The following ANO2 variants were observed in gnomAD, a reference collection of about 807,000 sequenced individuals.
ANO2 encodes the protein anoctamin 2, also known as anoctamin-2.
Under a neutral mutation model 124.2 loss-of-function variants are expected in ANO2, and 101 were observed. The observed-to-expected ratio is 0.81, with a 90% CI of 0.69 to 0.96. The LOEUF (loss-of-function observed/expected upper bound fraction) is 0.96, where lower values mean the gene tolerates loss of function less well. Among genes scored for constraint, ANO2 ranks in the 40% least tolerant of loss-of-function variants. The pLI is 0.00. For synonymous variants in ANO2, 486 were observed against 482.5 expected, an observed-to-expected ratio of 1.01 and a Z score of -0.09; for missense variants, 1,293 against 1,274.5, an observed-to-expected ratio of 1.01 and a Z score of -0.22.
chr12:5,779,274 A>G (rs1952317246), intron 10 of ANO2, among the ~76,000 whole-genome samples: 2 of 152,132 alleles, frequency 1.3e-5, no homozygotes, highest in South Asian at 4.1e-4. Context: ...CCATTTCTAC[A>G]CTTTTAAATC....
chr12:5,621,429 T>C (rs931900075), intron 16 of ANO2, among the ~76,000 whole-genome samples: 1 of 152,164 alleles, frequency 6.6e-6, no homozygotes, highest in East Asian at 1.9e-4. Flanking sequence ...GGTGTAACCA[T>C]ATGACAGGAG....
chr12:5,766,695 G>C (rs1041215525), intron 10 of ANO2, among the ~76,000 whole-genome samples: 1 of 152,140 alleles, frequency 6.6e-6, no homozygotes, highest in African/African-American at 2.4e-5. Flanking sequence ...GGTTTTAAAA[G>C]TTTTAAAAGA....
At position 5,906,607 on chromosome 12, in the gene ANO2, C is replaced by T. The variant is rs553696497; in HGVS notation, c.534+14433G>A. Among the ~76,000 whole-genome samples, 504 of 152,086 alleles carry T rather than the reference C, an allele frequency of 3.3e-3. 1 individual carries two copies. The highest frequency in any genetic ancestry group is 0.011 in the African/African-American group (456 of 41,514). On this transcript the variant is annotated intron_variant, in intron 3 of 24. Coordinates refer to ENST00000682330, the MANE Select transcript of ANO2 (RefSeq NM_001364791.2). ...GTCAAGAGATTGAGACCATCCTGGC[C>T]AACACAGTGAAACCCAGTCTCTACT...
chr12:5,850,390 T>C (rs1239465169), intron 4 of ANO2, among the ~76,000 whole-genome samples: 1 of 133,898 alleles, frequency 7.5e-6, no homozygotes, highest in Admixed American at 8.5e-5. Context: ...CACTCCAGCC[T>C]GGGTGACAGA....
intron 3 of ANO2, among the ~76,000 whole-genome samples, chr12:5,907,237 T>C (rs984316754): frequency 1.2e-4 from 19 of 152,218 alleles, no homozygotes; most frequent in African/African-American, 4.1e-4. Flanking sequence ...GCCAGTGATA[T>C]TGGTTCTCCA....
At chr12:5,659,811 T>A (rs1947350394) in intron 14 of ANO2, among the ~76,000 whole-genome samples, 1 of 152,162 alleles carries the variant, frequency 6.6e-6, no homozygotes, top group Non-Finnish European at 1.5e-5. Flanking sequence ...GGGCTGAGCT[T>A]CTCTGTGGTC....
intron 15 of ANO2, among the ~76,000 whole-genome samples, chr12:5,642,900 G>T (rs1327765558): frequency 6.6e-6 from 1 of 152,072 alleles, no homozygotes; most frequent in Non-Finnish European, 1.5e-5. Flanking sequence ...TGTTTCCTCT[G>T]CCCAGAATGT....
At chr12:5,751,267 T>C (rs898345772) in intron 10 of ANO2, among the ~76,000 whole-genome samples, 3 of 152,216 alleles carry the variant, frequency 2.0e-5, no homozygotes, top group African/African-American at 7.2e-5. Context: ...ACTAAAAATA[T>C]GCCACACATT....
intron 20 of ANO2, among the ~76,000 whole-genome samples, chr12:5,581,161 A>G (rs1942733380): frequency 6.6e-6 from 1 of 152,212 alleles, no homozygotes; most frequent in South Asian, 2.1e-4. Flanking sequence ...AGCATTCTAA[A>G]ACCTGTAAAA....
intron 14 of ANO2, among the ~76,000 whole-genome samples, chr12:5,679,788 T>C (rs1948415667): frequency 6.6e-6 from 1 of 152,180 alleles, no homozygotes; most frequent in Admixed American, 6.5e-5. Flanking sequence ...CATTATGGGA[T>C]GTATAATGCA....
Position 5,830,453 on chromosome 12 carries a change from A to G in ANO2, c.822T>C (p.Asn274=). Residue 274 remains asparagine (N), a synonymous_variant, in exon 6 of 25, where the codon AAT becomes AAC. Transcript: ENST00000682330. ...TACTTACAATGCGGCTGCGGGTGGC[A>G]TTATCAAAGAAGGTGTCCTTTTCCT... The part of the protein sequence containing the change: ...NIQEKDTFFD[N]ATRSRIVHEI... 2 of 1,613,032 alleles carry G rather than the reference A, an allele frequency of 1.2e-6. No homozygotes were observed. Among genetic ancestry groups the G allele is most frequent in the Admixed American group, 1.7e-5 (1 of 59,942 alleles).
intron 14 of ANO2, among the ~76,000 whole-genome samples, chr12:5,707,051 C>A (rs1229657370): frequency 6.6e-6 from 1 of 152,128 alleles, no homozygotes; most frequent in Non-Finnish European, 1.5e-5. Context: ...GTGTCCCCAC[C>A]CAAATCTCAT....
At chr12:5,907,533 A>C (rs545244899) in intron 3 of ANO2, among the ~76,000 whole-genome samples, 1 of 152,122 alleles carries the variant, frequency 6.6e-6, no homozygotes, top group East Asian at 1.9e-4. Flanking sequence ...AAGACAGTAA[A>C]CTCCCTGCAC....
chr12:5,923,691 C>A (rs1252567771), intron 1 of ANO2, among the ~76,000 whole-genome samples: 4 of 152,160 alleles, frequency 2.6e-5, no homozygotes, highest in African/African-American at 9.7e-5. Flanking sequence ...GGAAAAGTCC[C>A]CAGTAGGTGA....
In ANO2 at chr12:5,945,220, T is replaced by C. The variant is rs938266914; in HGVS notation, c.-3A>G. 3 of 1,288,102 alleles carry C rather than the reference T, an allele frequency of 2.3e-6. No homozygotes were observed. Among genetic ancestry groups the C allele is most frequent in the Non-Finnish European group, 3.0e-6 (3 of 987,974 alleles). 79.8% of individuals were successfully genotyped at this position (1,288,102 alleles called of 1,614,324 possible). On this transcript the variant is annotated 5_prime_UTR_variant, in exon 1 of 25. Coordinates refer to ENST00000682330, the MANE Select transcript of ANO2 (RefSeq NM_001364791.2). ...CCGCGCGGCCCGGGAGTCGCCATGA[T>C]GTGGACGCAGACCCCGCCGGCCCGC...
chr12:5,870,913 A>T (rs912828667), intron 3 of ANO2, among the ~76,000 whole-genome samples: 20 of 151,870 alleles, frequency 1.3e-4, no homozygotes, highest in Admixed American at 1.3e-3. Flanking sequence ...CATGGAGAAG[A>T]TAGTTTATAT....
At chr12:5,643,019 G>T (rs1946457993) in intron 15 of ANO2, among the ~76,000 whole-genome samples, 1 of 151,808 alleles carries the variant, frequency 6.6e-6, no homozygotes, top group Admixed American at 6.6e-5. Context: ...TATGTATTTT[G>T]TGTCTTTTTA....
chr12:5,624,939 G>C (rs1191956438), intron 16 of ANO2, among the ~76,000 whole-genome samples: 1 of 152,140 alleles, frequency 6.6e-6, no homozygotes, highest in African/African-American at 2.4e-5. Context: ...GAGAGCTCTA[G>C]GGGGACGCAT....
chr12:5,619,678 T>C (rs1945012871), intron 16 of ANO2, among the ~76,000 whole-genome samples: 1 of 152,174 alleles, frequency 6.6e-6, no homozygotes, highest in Non-Finnish European at 1.5e-5. Flanking sequence ...AAAATGTCAA[T>C]AGTACCACTG....
Sources: gnomAD v4.1 joint callset for allele counts (sites outside exome capture counted in the v4.1 genomes callset) on GRCh38, gnomAD v4.1.1 for gene constraint, MANE v1.5 for transcripts, NCBI Gene and HGNC (gene_info 2026-07-23, HGNC 2026-07-21) for gene names.